Variants in CDK8 observed in about 807,000 individuals in gnomAD.
CDK8 encodes the protein cyclin dependent kinase 8, also known as cyclin-dependent kinase 8.
Under a neutral mutation model 71.5 loss-of-function variants are expected in CDK8, and 29 were observed. That is an observed-to-expected ratio of 0.41 (90% confidence interval 0.30 to 0.55). The LOEUF (loss-of-function observed/expected upper bound fraction) is 0.55, where lower values mean the gene tolerates loss of function less well. Among genes scored for constraint, CDK8 ranks in the 20% least tolerant of loss-of-function variants. The pLI, the probability that CDK8 is intolerant of heterozygous loss-of-function variation, is 0.37. For missense variants in CDK8, 288 were observed against 572.6 expected (o/e 0.50, Z 5.07); for synonymous variants, 161 against 192.1 (o/e 0.84, Z 1.34).
intron 1 of CDK8, among the ~76,000 whole-genome samples, chr13:26,269,528 G>A (rs1201453019): frequency 6.6e-6 from 1 of 151,516 alleles, no homozygotes; most frequent in East Asian, 1.9e-4. Flanking sequence ...TCTCTTACTT[G>A]ATCTATTTCT....
intron 3 of CDK8, among the ~76,000 whole-genome samples, chr13:26,353,252 C>A (rs7332056): frequency 0.035 from 5,378 of 152,132 alleles, 309 homozygotes; most frequent in African/African-American, 0.12. Flanking sequence ...TTACATTTTT[C>A]CATTGTGAAC....
intron 4 of CDK8, 109 bp downstream of exon 4, chr13:26,353,989 A>G (rs2137999759): frequency 1.1e-6 from 1 of 900,816 alleles, no homozygotes; most frequent in African/African-American, 1.7e-5. Flanking sequence ...ACCTTATAGA[A>G]GTAGTGAGAA....
rs560676259 is a variant in CDK8 at position 26,288,109 on chromosome 13, C to T, written c.128+33340C>T. Among the ~76,000 whole-genome samples, 5 of 152,130 alleles carry T rather than the reference C, an allele frequency of 3.3e-5. 1 individual carries two copies. The highest frequency in any genetic ancestry group is 9.6e-5 in the African/African-American group (4 of 41,500). Reference sequence around the variant, plus strand: ...TCCCGAGTAGCTGGGACTATAGGCACGTGCCACCATGCCCGGCTAATTTTT... The same window carrying T: ...TCCCGAGTAGCTGGGACTATAGGCATGTGCCACCATGCCCGGCTAATTTTT... On this transcript the variant is annotated intron_variant, in intron 1 of 12. Coordinates refer to ENST00000381527, the MANE Select transcript of CDK8 (RefSeq NM_001260.3).
At chr13:26,369,423 G>A (rs1246222600) in intron 4 of CDK8, among the ~76,000 whole-genome samples, 4 of 144,490 alleles carry the variant, frequency 2.8e-5, no homozygotes, top group Admixed American at 1.4e-4. Flanking sequence ...CACTCCAGCC[G>A]GGGTGACAGA....
At chr13:26,363,408 A>G (rs1874242555) in intron 4 of CDK8, among the ~76,000 whole-genome samples, 1 of 151,866 alleles carries the variant, frequency 6.6e-6, no homozygotes, top group African/African-American at 2.4e-5. Flanking sequence ...AACTAATTCA[A>G]AATAGTGATT....
intron 2 of CDK8, among the ~76,000 whole-genome samples, chr13:26,338,939 C>G (rs995098886): frequency 2.0e-5 from 3 of 148,482 alleles, no homozygotes; most frequent in Non-Finnish European, 4.5e-5. Context: ...TGTTCACATG[C>G]TTTTCTCTTG....
At chr13:26,321,898 C>G (rs377745371) in intron 1 of CDK8, among the ~76,000 whole-genome samples, 1 of 151,460 alleles carries the variant, frequency 6.6e-6, no homozygotes, top group East Asian at 1.9e-4. Flanking sequence ...ATATGAATAC[C>G]CTATTATACA....
chr13:26,313,184 T>G (rs1874366899), intron 1 of CDK8, among the ~76,000 whole-genome samples: 1 of 152,204 alleles, frequency 6.6e-6, no homozygotes, highest in African/African-American at 2.4e-5. Context: ...GGCAAGGGCT[T>G]GGTAGAGTTT....
At chr13:26,285,708 G>T (rs946367047) in intron 1 of CDK8, among the ~76,000 whole-genome samples, 3 of 152,140 alleles carry the variant, frequency 2.0e-5, no homozygotes, top group African/African-American at 7.2e-5. Context: ...AACTGTCACT[G>T]TTCACCAATG....
At position 26,280,950 on chromosome 13, in the gene CDK8, A is replaced by T. The variant is rs556354294; in HGVS notation, c.128+26181A>T. On this transcript the variant is annotated intron_variant, in intron 1 of 12. Coordinates refer to ENST00000381527, the MANE Select transcript of CDK8 (RefSeq NM_001260.3). Reference sequence around the variant, plus strand: ...AAGAATTCACAGATGCTTTGAAAGAAGCAGCAGGCTGCTGCAAATTCTGTG... The same window carrying T: ...AAGAATTCACAGATGCTTTGAAAGATGCAGCAGGCTGCTGCAAATTCTGTG... Among the ~76,000 whole-genome samples, 3 of 152,386 alleles carry T rather than the reference A, an allele frequency of 2.0e-5. No individual in the cohort carries two copies. The East Asian group carries it at 5.8e-4, about 29-fold the overall frequency.
chr13:26,264,837 T>C (rs1293017991), intron 1 of CDK8, among the ~76,000 whole-genome samples: 1 of 152,232 alleles, frequency 6.6e-6, no homozygotes, highest in African/African-American at 2.4e-5. Context: ...TATTTGTCTT[T>C]TTGTGCCTGG....
At chr13:26,332,974 C>G (rs1872820696) in intron 1 of CDK8, among the ~76,000 whole-genome samples, 1 of 152,256 alleles carries the variant, frequency 6.6e-6, no homozygotes, top group South Asian at 2.1e-4. Flanking sequence ...CCTGATGCCA[C>G]AAGTGGAAAA....
intron 1 of CDK8, among the ~76,000 whole-genome samples, chr13:26,324,479 A>G (rs1366542779): frequency 1.3e-5 from 2 of 152,210 alleles, no homozygotes; most frequent in African/African-American, 4.8e-5. Context: ...TAACACTTGG[A>G]GTATAACATG....
At chr13:26,293,687 C>G (rs1467895074) in intron 1 of CDK8, among the ~76,000 whole-genome samples, 4 of 150,302 alleles carry the variant, frequency 2.7e-5, no homozygotes, top group Admixed American at 6.6e-5. Context: ...TTGTGATATA[C>G]AGTTTTAATT....
In CDK8 at chr13:26,305,156, G is replaced by A. The variant is rs1055062996; in HGVS notation, c.129-32411G>A. On this transcript the variant is annotated intron_variant, in intron 1 of 12. Coordinates refer to ENST00000381527, the MANE Select transcript of CDK8 (RefSeq NM_001260.3). ...TTAGTGTTTTGTTTAGTGTGGTACT[G>A]TCAACAAATTCTATTTTAGTTTGTC... Among the ~76,000 whole-genome samples, 8 of 152,194 alleles carry A rather than the reference G, an allele frequency of 5.3e-5. No homozygotes were observed. In the East Asian group the frequency reaches 1.5e-3, roughly 29 times the overall value.
At chr13:26,379,320 G>A (rs9581656) in intron 4 of CDK8, among the ~76,000 whole-genome samples, 3,461 of 152,282 alleles carry the variant, frequency 0.023, 132 homozygotes, top group African/African-American at 0.079. Context: ...GCAGTAGGCA[G>A]TGAGTTACCT....
At chr13:26,315,010 T>C (rs1324454627) in intron 1 of CDK8, among the ~76,000 whole-genome samples, 1 of 152,128 alleles carries the variant, frequency 6.6e-6, no homozygotes, top group Non-Finnish European at 1.5e-5. Context: ...TCTAAATTGA[T>C]TTATCCCTGT....
intron 12 of CDK8, among the ~76,000 whole-genome samples, chr13:26,402,814 G>A (rs1055594293): frequency 6.6e-6 from 1 of 152,224 alleles, no homozygotes; most frequent in Admixed American, 6.5e-5. Flanking sequence ...TTCTGGAACC[G>A]AGAAAATGAT....
chr13:26,264,001 C>A lies in CDK8; in HGVS notation c.128+9232C>A, dbSNP rs191638279. Among the ~76,000 whole-genome samples, 884 of 152,048 alleles carry A rather than the reference C, an allele frequency of 5.8e-3. 10 individuals are homozygous for A. The highest frequency in any genetic ancestry group is 0.02 in the African/African-American group (836 of 41,466). ...TGACCTCGTGATCCGCCCACCTGGG[C>A]CCCCCAAAGTGCTGGGATTACTGGC... On this transcript the variant is annotated intron_variant, in intron 1 of 12. Transcript: ENST00000381527.
Sources: gnomAD v4.1 joint callset for allele counts (sites outside exome capture counted in the v4.1 genomes callset) on GRCh38, gnomAD v4.1.1 for gene constraint, MANE v1.5 for transcripts, NCBI Gene and HGNC (gene_info 2026-07-23, HGNC 2026-07-21) for gene names.